Variants in GNAS observed in about 807,000 individuals in gnomAD.
GNAS encodes the protein protein ALEX.
Under a neutral mutation model 54.5 loss-of-function variants are expected in GNAS, and 8 were observed. The observed-to-expected ratio is 0.15, with a 90% CI of 0.09 to 0.26. The LOEUF is 0.26. Among genes scored for constraint, GNAS ranks in the 10% least tolerant of loss-of-function variants. GNAS has a pLI of 1.00. For missense variants in GNAS, 170 were observed against 529.8 expected (o/e 0.32, Z 6.67); for synonymous variants, 204 against 191.4 (o/e 1.07, Z -0.54).
upstream of GNAS, chr20:58,888,704 T>C (rs938859792): frequency 4.6e-5 from 7 of 152,108 alleles, no homozygotes; most frequent in African/African-American, 1.7e-4. Context: ...CATCGCACTT[T>C]TCTCGTCCGA....
chr20:58,851,653 C>A (rs2086179893), intron 1 of GNAS, among the ~76,000 whole-genome samples: 1 of 152,218 alleles, frequency 6.6e-6, no homozygotes, highest in Non-Finnish European at 1.5e-5. Context: ...GGGCATTTAC[C>A]TTTGGCTAGC....
At chr20:58,901,917 T>G (rs2090642672) in intron 3 of GNAS, among the ~76,000 whole-genome samples, 1 of 146,244 alleles carries the variant, frequency 6.8e-6, no homozygotes, top group South Asian at 2.2e-4. Flanking sequence ...TAACCTCCCT[T>G]CGCCTTTCCT....
upstream of GNAS, chr20:58,840,394 C>T: frequency 6.2e-6 from 10 of 1,613,522 alleles, no homozygotes; most frequent in Non-Finnish European, 8.5e-6. This position sits in a 1 kb window ranked among gnomAD's most constrained non-coding sequence, Gnocchi z 6.0. Flanking sequence ...TTGAGCTGTC[C>T]CTCCCCGAGT....
chr20:58,882,120 G>C (rs1295205661), intron 1 of GNAS, among the ~76,000 whole-genome samples: 2 of 152,206 alleles, frequency 1.3e-5, no homozygotes, highest in Non-Finnish European at 2.9e-5. Flanking sequence ...CCAGGCTGGA[G>C]TGCAGTGGCG....
chr20:58,843,318 C>T (rs1568912227), intron 1 of GNAS: 1 of 151,998 alleles, frequency 6.6e-6, no homozygotes, highest in African/African-American at 2.4e-5. Context: ...TACCAACCCC[C>T]GAGGAAAGCA....
chr20:58,890,750 AC>A (rs1230155684), upstream of GNAS: 1 of 148,708 alleles, frequency 6.7e-6, no homozygotes, highest in Non-Finnish European at 1.5e-5. Context: ...CAGACCCCCC[AC>A]CCCGCCACCG....
intron 1 of GNAS, chr20:58,867,650 T>C (rs1244033055): frequency 1.3e-5 from 2 of 152,234 alleles, no homozygotes; most frequent in African/African-American, 4.8e-5. Context: ...TAGAACTTTA[T>C]TCTAGGATTC....
At chr20:58,895,231 T>C (rs778416451) in intron 1 of GNAS, 1 of 346,144 alleles carries the variant, frequency 2.9e-6, no homozygotes, top group Admixed American at 4.1e-5. Flanking sequence ...TGAATGTTCA[T>C]GTATCAGGGA....
chr20:58,841,704 GA>G lies in GNAS; in HGVS notation c.43+819del, dbSNP rs929241016. ...TAGAGGAGGTAAGGGGACCCTTGGG[GA>G]TGCCCCTACGGGCTACCAGGGTTGA... On this transcript the variant is annotated intron_variant, in intron 1 of 12. Transcript: ENST00000306090. The surrounding 1 kb of genome is among the most constrained non-coding windows in gnomAD (Gnocchi z 5.0). The G allele has an allele frequency of 5.5e-5, 67 of 1,212,180 alleles. No individual in the cohort carries two copies. The highest frequency in any genetic ancestry group is 2.2e-4 in the Admixed American group (5 of 22,998). The allele number at this position is 1,212,180 out of a possible 1,614,324, so 75.1% of individuals were successfully genotyped here. A position where few individuals can be genotyped will look rare whatever the true frequency, so the allele number is the denominator to read the frequency against.
intron 1 of GNAS, among the ~76,000 whole-genome samples, chr20:58,849,404 T>C (rs2086063878): frequency 1.3e-5 from 2 of 152,224 alleles, no homozygotes; most frequent in South Asian, 4.1e-4. Context: ...AAGATTCTAT[T>C]ACCAAATGTA....
At chr20:58,879,236 C>A (rs2145776528) in intron 1 of GNAS, among the ~76,000 whole-genome samples, 1 of 152,248 alleles carries the variant, frequency 6.6e-6, no homozygotes, top group African/African-American at 2.4e-5. Flanking sequence ...AAAAAGCAAG[C>A]CTCCAAGCCA....
intron 5 of GNAS, among the ~76,000 whole-genome samples, chr20:58,904,396 CATAAA>C (rs1246677085): frequency 3.3e-5 from 5 of 152,146 alleles, no homozygotes; most frequent in African/African-American, 7.2e-5. Context: ...ACTCAAAAAT[CATAAA>C]ATAGAACATA....
At position 58,903,652 on chromosome 20, in the gene GNAS, C is replaced by CT; in HGVS notation, c.313-17dup. ...CCCAGCCAGTGCTGTTCCCTGACCGCTTTGCTAAATCATTTTCAGACCATT... is the reference window on the plus strand; with the variant it reads ...CCCAGCCAGTGCTGTTCCCTGACCGCTTTTGCTAAATCATTTTCAGACCATT... On this transcript the variant is annotated intron_variant, in intron 4 of 12. Transcript: ENST00000371085. 1 of 1,614,184 alleles carries CT rather than the reference C, an allele frequency of 6.2e-7. No homozygotes were observed. The highest frequency in any genetic ancestry group is 8.5e-7 in the Non-Finnish European group (1 of 1,180,026).
At chr20:58,882,213 C>T (rs1217432648) in intron 1 of GNAS, among the ~76,000 whole-genome samples, 1 of 152,150 alleles carries the variant, frequency 6.6e-6, no homozygotes, top group Non-Finnish European at 1.5e-5. Context: ...GGACTACAGG[C>T]GCCCGCCACT....
chr20:58,887,091 TTATC>T (rs1216171261), upstream of GNAS, among the ~76,000 whole-genome samples: 3 of 152,196 alleles, frequency 2.0e-5, no homozygotes, highest in African/African-American at 7.2e-5. Context: ...GGTGTGATGT[TTATC>T]TAAAAGGGGA....
intron 1 of GNAS, among the ~76,000 whole-genome samples, chr20:58,893,829 G>T (rs1408564320): frequency 6.6e-6 from 1 of 152,236 alleles, no homozygotes; most frequent in Non-Finnish European, 1.5e-5. Context: ...TGATGCTAAT[G>T]ATATCTTAAA....
At chr20:58,846,683 C>T (rs1283159738) in intron 1 of GNAS, among the ~76,000 whole-genome samples, 2 of 152,228 alleles carry the variant, frequency 1.3e-5, no homozygotes, top group Non-Finnish European at 2.9e-5. Context: ...TTCTTCTCCC[C>T]TCAACCCCAT....
At position 58,898,969 on chromosome 20, in the gene GNAS, A is replaced by G. The variant is rs1462720772; in HGVS notation, c.241A>G (p.Arg81Gly). Residue 81 changes from arginine to glycine, a missense_variant, in exon 3 of 13, where the codon AGG becomes GGG. Arg to Gly is a moderately radical substitution (Grantham distance 125). Around this residue, in one of 3 missense-constraint regions of GNAS, gnomAD observed 78 missense variants for 251.1 expected, o/e 0.31. Transcript: ENST00000371085. ...CGGCGAAGAGGACCCGCAGGCTGCA[A>G]GGAGCAACAGCGATGGGTAGGCACA... Reference protein sequence around the residue: ...EGGEEDPQAARSNSDGEKATK... With the variant: ...EGGEEDPQAAGSNSDGEKATK... 1 of 1,613,674 alleles carries G rather than the reference A, an allele frequency of 6.2e-7. No individual in the cohort carries two copies. Among genetic ancestry groups the G allele is most frequent in the Non-Finnish European group, 8.5e-7 (1 of 1,179,650 alleles).
At chr20:58,891,108 CG>C, upstream of GNAS, among the ~76,000 whole-genome samples, 1 of 147,836 alleles carries the variant, frequency 6.8e-6, no homozygotes, top group South Asian at 2.3e-4. Context: ...TCGGCTCAGC[CG>C]GGCTGCTGCC....
Sources: allele counts gnomAD v4.1 joint callset (sites outside exome capture counted in the v4.1 genomes callset), GRCh38; gene constraint gnomAD v4.1.1; regional missense constraint gnomAD v4.1.1; non-coding constraint Gnocchi (gnomAD v3.1); transcripts MANE v1.5; gene names NCBI Gene and HGNC (gene_info 2026-07-23, HGNC 2026-07-21).